The following FOXP1 variants were observed in gnomAD, a reference collection of about 807,000 sequenced individuals.
FOXP1 encodes forkhead box P1.
Under a neutral mutation model 98.2 loss-of-function variants are expected in FOXP1, and 15 were observed. The observed-to-expected ratio is 0.15, with a 90% CI of 0.10 to 0.24. The LOEUF (loss-of-function observed/expected upper bound fraction) is 0.24. Among genes scored for constraint, FOXP1 ranks in the 10% least tolerant of loss-of-function variants. FOXP1 has a pLI of 1.00. For missense variants in FOXP1, 633 were observed against 848.5 expected, an observed-to-expected ratio of 0.75 and a Z score of 3.15; for synonymous variants, 371 against 314.5, an observed-to-expected ratio of 1.18 and a Z score of -1.90.
At chr3:71,342,732 C>T (rs1236349344) in intron 4 of FOXP1, among the ~76,000 whole-genome samples, 2 of 150,718 alleles carry the variant, frequency 1.3e-5, no homozygotes, top group Non-Finnish European at 2.9e-5. Flanking sequence ...CTAAAATCTA[C>T]CTCTTTCTTT....
intron 3 of FOXP1, among the ~76,000 whole-genome samples, chr3:71,438,839 C>T (rs746231147): frequency 6.6e-6 from 1 of 152,060 alleles, no homozygotes; most frequent in South Asian, 2.1e-4. Context: ...AATGCAGAAC[C>T]GGAATATAAA....
intron 12 of FOXP1, among the ~76,000 whole-genome samples, chr3:71,007,160 TA>T (rs1438128408): frequency 8.6e-5 from 13 of 152,008 alleles, no homozygotes; most frequent in Non-Finnish European, 1.5e-4. Context: ...CTAAAACCAA[TA>T]AAAAATGCAT....
intron 4 of FOXP1, among the ~76,000 whole-genome samples, chr3:71,311,059 C>A (rs527496478): frequency 4.0e-4 from 61 of 152,184 alleles, no homozygotes; most frequent in Non-Finnish European, 7.2e-4. Flanking sequence ...GATTTGCATC[C>A]CCCTCCCACT....
chr3:71,579,430 T>C (rs1298028512), intron 2 of FOXP1, among the ~76,000 whole-genome samples: 2 of 152,064 alleles, frequency 1.3e-5, no homozygotes, highest in Non-Finnish European at 2.9e-5. Flanking sequence ...AAATGTAAAG[T>C]AGTTAAATTT....
intron 4 of FOXP1, chr3:71,332,805 A>C (rs1424885008): frequency 6.6e-6 from 1 of 152,232 alleles, no homozygotes; most frequent in African/African-American, 2.4e-5. Flanking sequence ...AGATGTGGAA[A>C]AGCTAAGACT....
At chr3:71,472,376 G>A (rs895580170) in intron 3 of FOXP1, among the ~76,000 whole-genome samples, 1 of 151,192 alleles carries the variant, frequency 6.6e-6, no homozygotes, top group Non-Finnish European at 1.5e-5. Flanking sequence ...ACCAAAAAAT[G>A]AAAAATCTTA....
intron 5 of FOXP1, among the ~76,000 whole-genome samples, chr3:71,203,628 C>A (rs892021479): frequency 6.6e-6 from 1 of 152,096 alleles, no homozygotes; most frequent in Admixed American, 6.5e-5. Context: ...CCAAGTCAGG[C>A]AGAAGTAAAT....
At chr3:71,086,178 G>A (rs898079933) in intron 7 of FOXP1, among the ~76,000 whole-genome samples, 2 of 152,126 alleles carry the variant, frequency 1.3e-5, no homozygotes, top group African/African-American at 2.4e-5. Context: ...TGCAAATATC[G>A]GATTGAAATC....
At position 71,409,132 on chromosome 3, in the gene FOXP1, C is replaced by T. The variant is rs148454660; in HGVS notation, c.-167-49888G>A. On this transcript the variant is annotated intron_variant, in intron 3 of 20. Coordinates refer to ENST00000649528, the MANE Select transcript of FOXP1 (RefSeq NM_001349338.3). ...GCTGTTCTCATTCAGGAATGGTCTT[C>T]CCTCAAATATTCTCATGGCCCCCTC... Among the ~76,000 whole-genome samples the T allele has an allele frequency of 2.5e-3, 374 of 152,206 alleles. 2 individuals carry two copies. The highest frequency in any genetic ancestry group is 8.7e-3 in the African/African-American group (362 of 41,526).
At chr3:71,107,831 A>G (rs528236530) in intron 7 of FOXP1, among the ~76,000 whole-genome samples, 55 of 152,354 alleles carry the variant, frequency 3.6e-4, no homozygotes, top group African/African-American at 1.3e-3. Flanking sequence ...GCAAAGCAAA[A>G]TGCTGCCTAA....
intron 3 of FOXP1, among the ~76,000 whole-genome samples, chr3:71,425,060 T>C (rs1175029126): frequency 6.6e-6 from 1 of 152,192 alleles, no homozygotes; most frequent in Non-Finnish European, 1.5e-5. Context: ...CTTGCAAGTG[T>C]CAGACAATAA....
At chr3:71,282,615 G>GA (rs34981481) in intron 5 of FOXP1, among the ~76,000 whole-genome samples, 52 of 150,084 alleles carry the variant, frequency 3.5e-4, no homozygotes, top group Admixed American at 2.7e-4. Flanking sequence ...ATTTTTGCAG[G>GA]AAAAAAAAAG....
chr3:71,398,676 A>G (rs2081732289), intron 3 of FOXP1, among the ~76,000 whole-genome samples: 1 of 152,126 alleles, frequency 6.6e-6, no homozygotes, highest in African/African-American at 2.4e-5. Context: ...TTTAACAACC[A>G]CATCTGGCCT....
chr3:71,438,830 A>T lies in FOXP1; in HGVS notation c.-168+54596T>A, dbSNP rs1008621358. Among the ~76,000 whole-genome samples the T allele has an allele frequency of 2.0e-5, 3 of 152,114 alleles. No individual in the cohort carries two copies. In the East Asian group the frequency reaches 5.8e-4, roughly 29 times the overall value. On this transcript the variant is annotated intron_variant, in intron 3 of 20. Transcript: ENST00000649528. ...CTGTTTTCTTACACTGAGAATGTCA[A>T]TGCAGAACCGGAATATAAAGTAAAT...
chr3:71,541,064 G>A lies in FOXP1; in HGVS notation c.-298+40485C>T, dbSNP rs116211191. Among the ~76,000 whole-genome samples the A allele has an allele frequency of 8.1e-3, 1,234 of 152,330 alleles. 9 individuals carry two copies. Among genetic ancestry groups the A allele is most frequent in the Non-Finnish European group, 0.011 (771 of 68,032 alleles). On this transcript the variant is annotated intron_variant, in intron 2 of 20. Coordinates refer to ENST00000649528, the MANE Select transcript of FOXP1 (RefSeq NM_001349338.3). ...GAGTCCTGAATCTGTCTCAACCGTG[G>A]TATGTAACTTTGGACAAGTCCCTTC...
intron 2 of FOXP1, among the ~76,000 whole-genome samples, chr3:71,537,729 A>G (rs535010463): frequency 6.6e-6 from 1 of 152,318 alleles, no homozygotes; most frequent in South Asian, 2.1e-4. Flanking sequence ...AGCTGCTAAC[A>G]TGTATTTAAA....
chr3:71,313,220 C>A (rs890628386), intron 4 of FOXP1, among the ~76,000 whole-genome samples: 2 of 151,636 alleles, frequency 1.3e-5, no homozygotes, highest in Non-Finnish European at 2.9e-5. Flanking sequence ...CCACCACGCC[C>A]AGCTAATTTT....
intron 4 of FOXP1, among the ~76,000 whole-genome samples, chr3:71,337,095 T>TG (rs1176658134): frequency 2.0e-5 from 3 of 152,172 alleles, no homozygotes; most frequent in African/African-American, 7.2e-5. Context: ...CACATGTAGG[T>TG]GATCAAATAA....
At chr3:70,967,946 G>A (rs1460855504) in intron 19 of FOXP1, among the ~76,000 whole-genome samples, 2 of 152,094 alleles carry the variant, frequency 1.3e-5, no homozygotes, top group African/African-American at 4.8e-5. Context: ...CAAAAACTGT[G>A]AAGACAAAAT....
Sources: gnomAD v4.1 joint callset for allele counts (sites outside exome capture counted in the v4.1 genomes callset) on GRCh38, gnomAD v4.1.1 for gene constraint, MANE v1.5 for transcripts, NCBI Gene and HGNC (gene_info 2026-07-23, HGNC 2026-07-21) for gene names.